The following SORCS1 variants were observed in gnomAD, a reference collection of about 807,000 sequenced individuals.
SORCS1 encodes VPS10 domain-containing receptor SorCS1.
In SORCS1, 60 loss-of-function variants were observed where a neutral mutation model predicts 146.1. That is an observed-to-expected ratio of 0.41 (90% CI 0.33 to 0.51). The LOEUF (loss-of-function observed/expected upper bound fraction) is 0.51. SORCS1 is among the 20% of genes least tolerant of loss of function. SORCS1 has a pLI of 0.21. For missense variants in SORCS1, 1,352 were observed against 1,487.6 expected (o/e 0.91, Z 1.50); for synonymous variants, 637 against 584.0 (o/e 1.09, Z -1.31).
chr10:106,899,924 T>C (rs1449852790), intron 2 of SORCS1, among the ~76,000 whole-genome samples: 1 of 152,014 alleles, frequency 6.6e-6, no homozygotes, highest in Non-Finnish European at 1.5e-5. Context: ...TTCCTCTCTA[T>C]ATATTATATA....
intron 20 of SORCS1, 52 bp from the exon 21 acceptor site, chr10:106,618,324 A>T (rs760755986): frequency 1.0e-5 from 16 of 1,599,058 alleles, no homozygotes; most frequent in African/African-American, 1.3e-5. Context: ...GTTACAGGTG[A>T]CACAGCCACT....
At chr10:106,903,349 C>T (rs897947448) in intron 2 of SORCS1, among the ~76,000 whole-genome samples, 4 of 152,160 alleles carry the variant, frequency 2.6e-5, no homozygotes, top group Non-Finnish European at 5.9e-5. Context: ...CAAGGCCATA[C>T]ATCTGGTAAT....
intron 1 of SORCS1, among the ~76,000 whole-genome samples, chr10:107,135,392 C>T (rs1367337627): frequency 6.6e-6 from 1 of 152,178 alleles, no homozygotes; most frequent in East Asian, 1.9e-4. Flanking sequence ...TCTCATTAAG[C>T]ATTAAAGAGG....
chr10:107,003,804 T>C (rs930856331), intron 1 of SORCS1, among the ~76,000 whole-genome samples: 2 of 152,032 alleles, frequency 1.3e-5, no homozygotes, highest in Admixed American at 1.3e-4. Flanking sequence ...TGGCCCTGAA[T>C]AGTTGGGAAG....
chr10:106,825,192 C>G (rs1459615864), intron 3 of SORCS1, among the ~76,000 whole-genome samples: 1 of 150,790 alleles, frequency 6.6e-6, no homozygotes, highest in African/African-American at 2.4e-5. Flanking sequence ...TAAAGACACA[C>G]AGAGTATATA....
chr10:106,587,259 C>T (rs138893769), intron 24 of SORCS1, among the ~76,000 whole-genome samples: 5 of 152,224 alleles, frequency 3.3e-5, no homozygotes, highest in African/African-American at 9.6e-5. Flanking sequence ...GTAGATAATA[C>T]GGTGACCGAA....
At chr10:106,937,147 T>C (rs759230460) in intron 2 of SORCS1, among the ~76,000 whole-genome samples, 2 of 150,836 alleles carry the variant, frequency 1.3e-5, no homozygotes, top group African/African-American at 4.9e-5. Context: ...GTTCTTGTTA[T>C]AGTGAATAAG....
At chr10:106,628,857 T>C (rs909347689) in intron 19 of SORCS1, among the ~76,000 whole-genome samples, 3 of 152,202 alleles carry the variant, frequency 2.0e-5, no homozygotes, top group Admixed American at 6.5e-5. Context: ...TTTCAACAAT[T>C]TCTGACCCCA....
intron 1 of SORCS1, among the ~76,000 whole-genome samples, chr10:107,145,918 T>G (rs1968285218): frequency 6.6e-6 from 1 of 152,216 alleles, no homozygotes; most frequent in African/African-American, 2.4e-5. Flanking sequence ...TTTAAGTCAG[T>G]GCCTTATTTC....
chr10:106,844,695 A>G (rs1949237785), intron 2 of SORCS1, among the ~76,000 whole-genome samples: 1 of 145,892 alleles, frequency 6.9e-6, no homozygotes, highest in Non-Finnish European at 1.5e-5. Context: ...CTCGTCATCT[A>G]GCATTAGGTA....
intron 1 of SORCS1, among the ~76,000 whole-genome samples, chr10:107,047,318 A>G (rs1244553578): frequency 6.6e-6 from 1 of 152,180 alleles, no homozygotes; most frequent in Non-Finnish European, 1.5e-5. Context: ...GATAAAGTCC[A>G]GATGTCAGTA....
intron 2 of SORCS1, among the ~76,000 whole-genome samples, chr10:106,857,705 T>A (rs1949843679): frequency 6.6e-6 from 1 of 152,224 alleles, no homozygotes. Flanking sequence ...TCATTATCAT[T>A]CATTGACAGA....
chr10:106,731,593 A>T (rs1291768037), intron 5 of SORCS1, among the ~76,000 whole-genome samples: 1 of 152,202 alleles, frequency 6.6e-6, no homozygotes, highest in Non-Finnish European at 1.5e-5. Context: ...CGACAGGGAA[A>T]GGCTTTTCCT....
At chr10:107,022,437 C>A (rs920291128) in intron 1 of SORCS1, among the ~76,000 whole-genome samples, 2 of 151,908 alleles carry the variant, frequency 1.3e-5, no homozygotes, top group Non-Finnish European at 2.9e-5. Context: ...TAGAAACAAC[C>A]CTTAATTAAC....
chr10:106,750,883 C>T (rs1179038834), intron 5 of SORCS1, among the ~76,000 whole-genome samples: 2 of 149,396 alleles, frequency 1.3e-5, no homozygotes, highest in East Asian at 2.0e-4. Context: ...CACGGTGAAA[C>T]CCCCTCTCTA....
intron 14 of SORCS1, among the ~76,000 whole-genome samples, chr10:106,673,412 G>A (rs780859106): frequency 3.9e-5 from 6 of 152,148 alleles, no homozygotes; most frequent in Admixed American, 1.3e-4. Flanking sequence ...TTACAGGTGT[G>A]AGCCACCGCA....
rs1158921880 is a variant in SORCS1, at chr10:106,822,782, G to GTTTTTTTTTTTTTTTTTT, written c.726+6774_726+6791dup. Among the ~76,000 whole-genome samples, 21 of 113,146 alleles carry GTTTTTTTTTTTTTTTTTT rather than the reference G, an allele frequency of 1.9e-4. 1 individual carries two copies. The highest frequency in any genetic ancestry group is 1.7e-3 in the East Asian group (6 of 3,544). The allele number at this position is 113,146 out of a possible 152,430, so 74.2% of individuals were successfully genotyped here. A position where few individuals can be genotyped will look rare whatever the true frequency, so the allele number is the denominator to read the frequency against. ...CACTATGTCTCTGAATTCATGTGTG[G>GTTTTTTTTTTTTTTTTTT]TTTTTTTTTTTTTTTTTTTTGAATA... On this transcript the variant is annotated intron_variant, in intron 3 of 25. Transcript: ENST00000263054.
intron 1 of SORCS1, among the ~76,000 whole-genome samples, chr10:107,059,069 A>G (rs1960920445): frequency 6.6e-6 from 1 of 152,170 alleles, no homozygotes; most frequent in South Asian, 2.1e-4. Flanking sequence ...TTATATTTTC[A>G]TTGATCTGAA....
At chr10:107,073,456 A>T (rs1453736117) in intron 1 of SORCS1, among the ~76,000 whole-genome samples, 2 of 152,270 alleles carry the variant, frequency 1.3e-5, no homozygotes, top group East Asian at 1.9e-4. Flanking sequence ...TCTACCATCT[A>T]ATTGAGTTTA....
Sources: allele counts gnomAD v4.1 joint callset (sites outside exome capture counted in the v4.1 genomes callset), GRCh38; gene constraint gnomAD v4.1.1; transcripts MANE v1.5; gene names NCBI Gene and HGNC (gene_info 2026-07-23, HGNC 2026-07-21).